PCDH9: variants seen among roughly 807,000 people sequenced by gnomAD.
PCDH9 encodes the protein protocadherin-9.
In PCDH9, 24 loss-of-function variants were observed where a neutral mutation model predicts 70.6. The observed-to-expected ratio is 0.34, with a 90% CI of 0.25 to 0.48. The LOEUF is 0.48. Ranked by LOEUF, PCDH9 falls within the 20% of genes least tolerant of loss-of-function variation. The pLI, the probability that PCDH9 is intolerant of heterozygous loss-of-function variation, is 0.99. For missense variants in PCDH9, 1,281 were observed against 1,503.6 expected, an observed-to-expected ratio of 0.85 and a Z score of 2.45; for synonymous variants, 562 against 558.5, an observed-to-expected ratio of 1.01 and a Z score of -0.09.
chr13:66,985,122 T>A (rs529417246), intron 2 of PCDH9, among the ~76,000 whole-genome samples: 1 of 152,158 alleles, frequency 6.6e-6, no homozygotes, highest in Non-Finnish European at 1.5e-5. Context: ...CATCACTGTC[T>A]GTTATAGTCT....
rs367755798 is a variant in PCDH9 at position 66,849,864 on chromosome 13, C to T, written c.3138+53640G>A. 7.9e-5 allele frequency among the ~76,000 whole-genome samples: 12 copies of T among 152,146 alleles called. 1 individual carries two copies. Among genetic ancestry groups the T allele is most frequent in the African/African-American group, 2.6e-4 (11 of 41,512 alleles). On this transcript the variant is annotated intron_variant, in intron 3 of 4. Coordinates refer to ENST00000377865, the MANE Select transcript of PCDH9 (RefSeq NM_203487.3). Reference sequence around the variant, plus strand: ...AGACATTGCTGAGAACGATGACTGACCTTGGTGCTGGCACATTAGCATACA... The same window carrying T: ...AGACATTGCTGAGAACGATGACTGATCTTGGTGCTGGCACATTAGCATACA...
At chr13:66,991,551 T>C (rs751716901) in intron 2 of PCDH9, among the ~76,000 whole-genome samples, 1 of 152,138 alleles carries the variant, frequency 6.6e-6, no homozygotes, top group Non-Finnish European at 1.5e-5. Flanking sequence ...TAGAATCCTT[T>C]ATTAATTCAG....
chr13:66,832,581 A>C (rs1353565657), intron 3 of PCDH9, among the ~76,000 whole-genome samples: 1 of 152,164 alleles, frequency 6.6e-6, no homozygotes, highest in East Asian at 1.9e-4. Flanking sequence ...AGAATGAGTA[A>C]TCGTTATCCA....
intron 2 of PCDH9, among the ~76,000 whole-genome samples, chr13:66,992,774 G>T (rs545118717): frequency 1.4e-4 from 21 of 152,092 alleles, no homozygotes; most frequent in African/African-American, 5.1e-4. Context: ...GAGAAAACAG[G>T]CCACAGAATT....
chr13:66,355,937 T>G (rs1488698669), intron 4 of PCDH9, among the ~76,000 whole-genome samples: 1 of 152,126 alleles, frequency 6.6e-6, no homozygotes, highest in Non-Finnish European at 1.5e-5. Context: ...CTCTGACTAA[T>G]AGTTCCCTTT....
At chr13:66,357,516 T>C (rs1956404059) in intron 4 of PCDH9, among the ~76,000 whole-genome samples, 1 of 152,042 alleles carries the variant, frequency 6.6e-6, no homozygotes, top group African/African-American at 2.4e-5. Flanking sequence ...TCATTCGAAC[T>C]AGCAGGATGT....
At chr13:66,416,611 A>T (rs1957465897) in intron 4 of PCDH9, among the ~76,000 whole-genome samples, 1 of 152,218 alleles carries the variant, frequency 6.6e-6, no homozygotes, top group Non-Finnish European at 1.5e-5. Context: ...AAGACTTTGC[A>T]GCAGGGAGTT....
intron 2 of PCDH9, among the ~76,000 whole-genome samples, chr13:66,938,685 C>G (rs1446709764): frequency 6.6e-6 from 1 of 152,116 alleles, no homozygotes; most frequent in Non-Finnish European, 1.5e-5. Flanking sequence ...CTTTTTCCCT[C>G]CACTCTTTCA....
intron 3 of PCDH9, among the ~76,000 whole-genome samples, chr13:66,677,089 C>A (rs1593878050): frequency 6.6e-6 from 1 of 152,114 alleles, no homozygotes; most frequent in East Asian, 1.9e-4. Context: ...GTTATAAAAT[C>A]ATTAAAGGGT....
chr13:66,825,485 C>T (rs1472672802), intron 3 of PCDH9, among the ~76,000 whole-genome samples: 3 of 150,048 alleles, frequency 2.0e-5, no homozygotes, highest in African/African-American at 4.9e-5. Flanking sequence ...TACAGGCGCG[C>T]GCCACCATGC....
At chr13:66,735,982 A>G (rs905946304) in intron 3 of PCDH9, among the ~76,000 whole-genome samples, 2 of 152,094 alleles carry the variant, frequency 1.3e-5, no homozygotes, top group Non-Finnish European at 2.9e-5. Context: ...AAAATTAAAG[A>G]TTAAAGAAGA....
chr13:66,443,539 T>C (rs1958013458), intron 4 of PCDH9, among the ~76,000 whole-genome samples: 1 of 152,200 alleles, frequency 6.6e-6, no homozygotes, highest in South Asian at 2.1e-4. Context: ...GACAACATTC[T>C]AATAAAACTA....
chr13:66,881,895 C>A (rs573537529), intron 3 of PCDH9, among the ~76,000 whole-genome samples: 29 of 152,130 alleles, frequency 1.9e-4, no homozygotes, highest in Non-Finnish European at 3.4e-4. Context: ...ACAGGTTTAT[C>A]TAAGATAACC....
chr13:67,214,933 C>CATATATATATATATATAT (rs1388312996), intron 2 of PCDH9: 1 of 26,128 alleles, frequency 3.8e-5, no homozygotes, highest in African/African-American at 1.2e-4. Flanking sequence ...TATTGCGAGC[C>CATATATATATATATATAT]AGATATATAT....
chr13:66,617,721 A>G (rs1442957943), intron 4 of PCDH9, among the ~76,000 whole-genome samples: 1 of 151,998 alleles, frequency 6.6e-6, no homozygotes, highest in Non-Finnish European at 1.5e-5. Context: ...TTGTTTTGAT[A>G]CTTTTTTTCT....
chr13:66,443,713 T>A (rs1958017606), intron 4 of PCDH9, among the ~76,000 whole-genome samples: 1 of 152,174 alleles, frequency 6.6e-6, no homozygotes, highest in South Asian at 2.1e-4. Flanking sequence ...TGATTTATTA[T>A]TCTGGAATTT....
intron 2 of PCDH9, among the ~76,000 whole-genome samples, chr13:67,200,773 T>C (rs1027824226): frequency 3.9e-5 from 6 of 151,954 alleles, no homozygotes; most frequent in African/African-American, 1.2e-4. Context: ...GTACCTGGGG[T>C]TGGGAGAGTG....
At chr13:66,775,734 T>C (rs974332141) in intron 3 of PCDH9, among the ~76,000 whole-genome samples, 1 of 152,210 alleles carries the variant, frequency 6.6e-6, no homozygotes, top group Admixed American at 6.5e-5. Context: ...TTTTAAGCCA[T>C]TGATAAGGCT....
intron 4 of PCDH9, among the ~76,000 whole-genome samples, chr13:66,394,360 T>C (rs532407616): frequency 9.2e-5 from 14 of 152,306 alleles, no homozygotes; most frequent in African/African-American, 3.1e-4. Context: ...TTAATATTTA[T>C]ATCTCTGGTG....
Sources: gnomAD v4.1 joint callset for allele counts (sites outside exome capture counted in the v4.1 genomes callset) on GRCh38, gnomAD v4.1.1 for gene constraint, MANE v1.5 for transcripts, NCBI Gene and HGNC (gene_info 2026-07-23, HGNC 2026-07-21) for gene names.